PEX7: variants seen among roughly 807,000 people sequenced by gnomAD.
PEX7 encodes the protein peroxisomal biogenesis factor 7.
In PEX7, 34 loss-of-function variants were observed where a neutral mutation model predicts 47.5. That is an observed-to-expected ratio of 0.72 (90% CI 0.54 to 0.95). The LOEUF is 0.95. PEX7 is among the 40% of genes least tolerant of loss of function. The pLI is 0.00. For synonymous variants in PEX7, 141 were observed against 148.8 expected (o/e 0.95, Z 0.38); for missense variants, 394 against 400.3 (o/e 0.98, Z 0.13).
chr6:136,903,441 G>C (rs1369921898), intron 9 of PEX7, among the ~76,000 whole-genome samples: 1 of 148,636 alleles, frequency 6.7e-6, no homozygotes, highest in Non-Finnish European at 1.5e-5. Flanking sequence ...CTCCCAAAGT[G>C]CTGGCATTAT....
chr6:136,877,682 T>C lies in PEX7; in HGVS notation c.803+5429T>C, dbSNP rs1453059651. Among the ~76,000 whole-genome samples, 4 of 152,344 alleles carry C rather than the reference T, an allele frequency of 2.6e-5. 1 individual carries two copies. Among genetic ancestry groups the C allele is most frequent in the Middle Eastern group, 6.8e-3 (2 of 294 alleles). On this transcript the variant is annotated intron_variant, in intron 8 of 9. Coordinates refer to ENST00000318471, the MANE Select transcript of PEX7 (RefSeq NM_000288.4). ...TCTTCCATTGGTCTATATATCTGTT[T>C]TGGTACCAGTACCATGCTGTTTTGA...
chr6:136,876,333 G>A (rs1406156592), intron 8 of PEX7, among the ~76,000 whole-genome samples: 3 of 151,952 alleles, frequency 2.0e-5, no homozygotes, highest in South Asian at 2.1e-4. Flanking sequence ...CACTGCGCCC[G>A]GCCGATTAAA....
chr6:136,827,830 C>G (rs1267052626), intron 3 of PEX7, among the ~76,000 whole-genome samples: 2 of 146,426 alleles, frequency 1.4e-5, no homozygotes, highest in Non-Finnish European at 3.0e-5. Flanking sequence ...CCGTGCCCAG[C>G]CAATTTTTGT....
chr6:136,853,224 G>T (rs998646453), intron 5 of PEX7, among the ~76,000 whole-genome samples: 1 of 152,218 alleles, frequency 6.6e-6, no homozygotes, highest in Non-Finnish European at 1.5e-5. Context: ...GTAGTTGTGA[G>T]AGAGACTGAA....
At chr6:136,844,076 A>G (rs1774551695) in intron 3 of PEX7, among the ~76,000 whole-genome samples, 1 of 152,188 alleles carries the variant, frequency 6.6e-6, no homozygotes, top group Non-Finnish European at 1.5e-5. Flanking sequence ...GCAAATAAAA[A>G]TTTGTAGGCT....
At chr6:136,902,846 A>AT (rs1277741738) in intron 9 of PEX7, among the ~76,000 whole-genome samples, 2 of 152,080 alleles carry the variant, frequency 1.3e-5, no homozygotes, top group African/African-American at 4.8e-5. Flanking sequence ...ATCTTTATAC[A>AT]TTCTTTTGGG....
At chr6:136,901,093 T>C (rs113292149) in intron 9 of PEX7, 2,156 of 170,406 alleles carry the variant, frequency 0.013, 39 homozygotes, top group African/African-American at 0.049. Flanking sequence ...CACCACTTTC[T>C]TGGCCTGTTG....
At chr6:136,905,872 T>A (rs1369199674) in intron 9 of PEX7, among the ~76,000 whole-genome samples, 1 of 152,222 alleles carries the variant, frequency 6.6e-6, no homozygotes, top group Non-Finnish European at 1.5e-5. Context: ...ATACTAGAGA[T>A]CTGGGAAGTA....
intron 3 of PEX7, among the ~76,000 whole-genome samples, chr6:136,842,000 TTC>T (rs1479948998): frequency 2.0e-5 from 3 of 149,716 alleles, no homozygotes; most frequent in African/African-American, 7.4e-5. Flanking sequence ...TCTTTTCTTT[TTC>T]TTTTTTTTTT....
At chr6:136,826,605 T>A in intron 3 of PEX7, 136 bp downstream of exon 3, 1 of 1,000,542 alleles carries the variant, frequency 1.0e-6, no homozygotes, top group Admixed American at 2.1e-5. Flanking sequence ...ATACTAGATG[T>A]CACTTATTAT....
intron 9 of PEX7, among the ~76,000 whole-genome samples, chr6:136,909,750 T>C (rs935579363): frequency 1.3e-5 from 2 of 152,222 alleles, no homozygotes; most frequent in Non-Finnish European, 2.9e-5. Context: ...TTAATCCAAT[T>C]AAGTATAGAT....
chr6:136,876,119 G>A (rs1481392478), intron 8 of PEX7, among the ~76,000 whole-genome samples: 1 of 151,444 alleles, frequency 6.6e-6, no homozygotes, highest in East Asian at 1.9e-4. Context: ...CTCACTGCAA[G>A]CTCCGCCTCC....
chr6:136,833,651 A>G (rs1774334443), intron 3 of PEX7, among the ~76,000 whole-genome samples: 3 of 152,258 alleles, frequency 2.0e-5, no homozygotes, highest in African/African-American at 7.2e-5. Context: ...TACAATTGAT[A>G]ATAGCCATTT....
At chr6:136,823,412 CG>C in intron 1 of PEX7, 1 of 943,062 alleles carries the variant, frequency 1.1e-6, no homozygotes, top group Non-Finnish European at 1.3e-6. Context: ...AATTGTCTCC[CG>C]TCGCGCGCAT....
rs1454149748 is a variant in PEX7, at chr6:136,826,247, G to T, written c.189-72G>T. The T allele has an allele frequency of 2.1e-5, 31 of 1,505,714 alleles. No individual in the cohort carries two copies. The Admixed American group carries it at 5.2e-4, about 25-fold the overall frequency. The allele number at this position is 1,505,714 out of a possible 1,614,324, so 93.3% of individuals were successfully genotyped here. A position where few individuals can be genotyped will look rare whatever the true frequency, so the allele number is the denominator to read the frequency against. ...AATTGAAAGAAAAAAAACCATAATT[G>T]TTATTTTTTTTGTTGTGTAGCTGCC... On this transcript the variant is annotated intron_variant, in intron 2 of 9. Transcript: ENST00000318471.
chr6:136,888,093 G>T (rs1019089942), intron 8 of PEX7, among the ~76,000 whole-genome samples: 1 of 151,904 alleles, frequency 6.6e-6, no homozygotes, highest in Admixed American at 6.6e-5. Flanking sequence ...TTAAAAAAAG[G>T]TCAGCCAAAG....
intron 8 of PEX7, among the ~76,000 whole-genome samples, chr6:136,895,501 T>G (rs1290215647): frequency 6.6e-6 from 1 of 152,236 alleles, no homozygotes; most frequent in African/African-American, 2.4e-5. Flanking sequence ...GTAAATCCTC[T>G]CAAGGCAAAA....
At chr6:136,895,289 A>G (rs1480871194) in intron 8 of PEX7, among the ~76,000 whole-genome samples, 2 of 152,256 alleles carry the variant, frequency 1.3e-5, no homozygotes, top group African/African-American at 4.8e-5. Context: ...ATTAAATAAT[A>G]AATTATAGTA....
chr6:136,841,475 A>G (rs918189312), intron 3 of PEX7, among the ~76,000 whole-genome samples: 61 of 152,062 alleles, frequency 4.0e-4, no homozygotes, highest in African/African-American at 1.4e-3. Context: ...CTTTTTGCCT[A>G]TTGACATTTT....
Sources: allele counts gnomAD v4.1 joint callset (sites outside exome capture counted in the v4.1 genomes callset), GRCh38; gene constraint gnomAD v4.1.1; transcripts MANE v1.5; gene names NCBI Gene and HGNC (gene_info 2026-07-23, HGNC 2026-07-21).